RHOA: variants seen among roughly 807,000 people sequenced by gnomAD.
RHOA encodes the protein ras homolog family member A, also known as transforming protein RhoA.
A neutral mutation model predicts 17.5 loss-of-function variants in RHOA; 3 were observed. That is an observed-to-expected ratio of 0.17 (90% CI 0.08 to 0.44). The LOEUF (loss-of-function observed/expected upper bound fraction) is 0.44. RHOA is among the 20% of genes least tolerant of loss of function. The pLI is 0.99. For synonymous variants in RHOA, 98 were observed against 88.4 expected (o/e 1.11, Z -0.61); for missense variants, 56 against 242.3 (o/e 0.23, Z 5.10).
chr3:49,402,669 G>A (rs114605703), intron 1 of RHOA, among the ~76,000 whole-genome samples: 251 of 151,754 alleles, frequency 1.7e-3, no homozygotes, highest in Non-Finnish European at 2.4e-3. Context: ...TCAAGACTCT[G>A]TCTCAAAAAC....
chr3:49,363,375 G>A (rs964808379), intron 3 of RHOA, among the ~76,000 whole-genome samples: 2 of 152,054 alleles, frequency 1.3e-5, no homozygotes, highest in Admixed American at 6.6e-5. Flanking sequence ...AGCTGAGATC[G>A]CGCCACTGCA....
chr3:49,389,293 C>T (rs1173995609), intron 1 of RHOA, among the ~76,000 whole-genome samples: 2 of 151,292 alleles, frequency 1.3e-5, no homozygotes, highest in African/African-American at 2.4e-5. Context: ...CCAGCCTGGG[C>T]GACAAAGCGA....
chr3:49,368,630 A>G (rs2048096767), intron 2 of RHOA, 82 bp from the exon 3 acceptor site: 1 of 1,475,076 alleles, frequency 6.8e-7, no homozygotes, highest in African/African-American at 1.4e-5. Context: ...ACCATAGTAC[A>G]TTGAAATGGC....
chr3:49,400,915 G>A (rs1351258333), intron 1 of RHOA, among the ~76,000 whole-genome samples: 2 of 150,564 alleles, frequency 1.3e-5, no homozygotes, highest in African/African-American at 2.4e-5. Context: ...GCATAGTGGC[G>A]GGCGCCTGTA....
At chr3:49,406,525 G>A (rs1410050599) in intron 1 of RHOA, among the ~76,000 whole-genome samples, 4 of 152,186 alleles carry the variant, frequency 2.6e-5, no homozygotes, top group Non-Finnish European at 4.4e-5. Context: ...CGTAATCCCA[G>A]CAGGAAGCTG....
At chr3:49,375,032 A>T (rs1298610359) in intron 2 of RHOA, among the ~76,000 whole-genome samples, 1 of 152,016 alleles carries the variant, frequency 6.6e-6, no homozygotes, top group Non-Finnish European at 1.5e-5. Context: ...GCACTTTGGG[A>T]GGCTGAGGTG....
intron 1 of RHOA, among the ~76,000 whole-genome samples, chr3:49,382,407 G>C (rs2048332526): frequency 6.6e-6 from 1 of 152,160 alleles, no homozygotes; most frequent in South Asian, 2.1e-4. Flanking sequence ...AGCCAAGGCA[G>C]GCAAATTGCT....
chr3:49,362,529 C>T lies in RHOA; in HGVS notation c.375G>A (p.Glu125=), dbSNP rs2107829987. 1 of 1,613,478 alleles carries T rather than the reference C, an allele frequency of 6.2e-7. No individual in the cohort carries two copies. The highest frequency in any genetic ancestry group is 1.7e-5 in the Admixed American group (1 of 59,906). The change falls in exon 4 of 5, where the codon GAG becomes GAA. Residue 125 remains glutamate, a synonymous_variant. Coordinates refer to ENST00000418115, the MANE Select transcript of RHOA (RefSeq NM_001664.4). ...TCTTGGCTAGCTCCCGCCTTGTGTG[C>T]TCATCATTCCGAAGATCCTTCTTAT... ...VGNKKDLRND[E]HTRRELAKMK...
intron 2 of RHOA, 75 bp from the exon 3 acceptor site, chr3:49,368,623 A>G (rs569671816): frequency 3.1e-5 from 48 of 1,533,804 alleles, no homozygotes; most frequent in Non-Finnish European, 3.9e-5. Context: ...GACACTTACC[A>G]TAGTACATTG....
At chr3:49,364,143 A>T (rs996699229) in intron 3 of RHOA, among the ~76,000 whole-genome samples, 22 of 152,070 alleles carry the variant, frequency 1.4e-4, no homozygotes, top group African/African-American at 5.3e-4. Flanking sequence ...TTAGGTCAGG[A>T]GTTCGAGACC....
chr3:49,366,503 T>G (rs1332252693), intron 3 of RHOA: 1 of 152,178 alleles, frequency 6.6e-6, no homozygotes, highest in Non-Finnish European at 1.5e-5. Context: ...CTTGGGAGGC[T>G]GAGACAGGAG....
intron 3 of RHOA, chr3:49,366,810 C>A (rs1415549042): frequency 6.6e-6 from 1 of 152,044 alleles, no homozygotes; most frequent in East Asian, 1.9e-4. Flanking sequence ...CATAACAACA[C>A]AATCACTCTA....
chr3:49,408,259 TACGTATACACGTATATAC>T (rs1308436214), intron 1 of RHOA, among the ~76,000 whole-genome samples: 1 of 52,798 alleles, frequency 1.9e-5, no homozygotes, highest in Admixed American at 3.3e-4. Flanking sequence ...CACATATATA[TACGTATACACGTATATAC>T]GTATACACAA....
chr3:49,390,330 C>T (rs890014825), intron 1 of RHOA, among the ~76,000 whole-genome samples: 7 of 151,488 alleles, frequency 4.6e-5, no homozygotes, highest in Non-Finnish European at 1.0e-4. Context: ...AGACGGGGAA[C>T]ATCTTGGCCA....
intron 1 of RHOA, among the ~76,000 whole-genome samples, chr3:49,405,113 C>T (rs2048805152): frequency 1.3e-5 from 2 of 150,658 alleles, no homozygotes; most frequent in Admixed American, 6.6e-5. Flanking sequence ...AAACACCTAG[C>T]CGGGCGTGGT....
chr3:49,373,586 G>A (rs934998376), intron 2 of RHOA, among the ~76,000 whole-genome samples: 2 of 152,180 alleles, frequency 1.3e-5, no homozygotes, highest in African/African-American at 4.8e-5. Flanking sequence ...GGGCTGAGAT[G>A]GAAGAACTTG....
At chr3:49,403,764 A>C (rs146611419) in intron 1 of RHOA, among the ~76,000 whole-genome samples, 1 of 152,256 alleles carries the variant, frequency 6.6e-6, no homozygotes, top group African/African-American at 2.4e-5. Flanking sequence ...ACTATCATTT[A>C]AAGTATGTGC....
chr3:49,369,660 G>A (rs956665668), intron 2 of RHOA, among the ~76,000 whole-genome samples: 1 of 151,738 alleles, frequency 6.6e-6, no homozygotes, highest in Non-Finnish European at 1.5e-5. Flanking sequence ...GCTTGAACTC[G>A]AGAGGCAAAG....
chr3:49,393,672 CTCTCTGTGTGTGTGTGTGTGTGTGTGTG>C (rs2048555751), intron 1 of RHOA, among the ~76,000 whole-genome samples: 11 of 54,238 alleles, frequency 2.0e-4, no homozygotes, highest in African/African-American at 5.8e-4. Flanking sequence ...CTCAAATTCT[CTCTCTGTGTGTGTGTGTGTGTGTGTGTG>C]TGTGTGTGTG....
Sources: gnomAD v4.1 joint callset for allele counts (sites outside exome capture counted in the v4.1 genomes callset) on GRCh38, gnomAD v4.1.1 for gene constraint, MANE v1.5 for transcripts, NCBI Gene and HGNC (gene_info 2026-07-23, HGNC 2026-07-21) for gene names.